The following TLL1 variants were observed in gnomAD, a reference collection of about 807,000 sequenced individuals.
The protein encoded by TLL1 is tolloid-like protein 1.
TLL1 carries 49 observed loss-of-function variants against 128.2 expected under a neutral mutation model. The ratio of observed to expected loss-of-function variants is 0.38; its 90% CI spans 0.30 to 0.48. The LOEUF (loss-of-function observed/expected upper bound fraction) is 0.48, where lower values mean the gene tolerates loss of function less well. TLL1 is among the 20% of genes least tolerant of loss of function. The pLI is 0.96. For synonymous variants in TLL1, 454 were observed against 418.8 expected, an observed-to-expected ratio of 1.08 and a Z score of -1.03; for missense variants, 1,123 against 1,242.0, an observed-to-expected ratio of 0.90 and a Z score of 1.44.
intron 1 of TLL1, among the ~76,000 whole-genome samples, chr4:165,913,468 C>G (rs1208065301): frequency 6.6e-6 from 1 of 152,132 alleles, no homozygotes; most frequent in Non-Finnish European, 1.5e-5. Context: ...GTAGCTTACT[C>G]ACTTGAGAAA....
rs542313627 is a variant in TLL1 at position 166,010,957 on chromosome 4, G to A, written c.917+2909G>A. On this transcript the variant is annotated intron_variant, in intron 7 of 20. Transcript: ENST00000061240. ...CCCTTGTCAAAGATAATATGATCTC[G>A]TATATGATGGTTTATTTCTGTGCTC... Among the ~76,000 whole-genome samples, 29 of 150,888 alleles carry A rather than the reference G, an allele frequency of 1.9e-4. 1 individual carries two copies. The highest frequency in any genetic ancestry group is 4.6e-4 in the Admixed American group (7 of 15,066).
chr4:166,060,967 C>G (rs1196538399), intron 15 of TLL1, among the ~76,000 whole-genome samples: 1 of 152,138 alleles, frequency 6.6e-6, no homozygotes, highest in Non-Finnish European at 1.5e-5. Context: ...TCCTTTGCAT[C>G]CTTTTCTCCC....
chr4:165,948,689 G>A (rs1734370779), intron 1 of TLL1, among the ~76,000 whole-genome samples: 2 of 152,084 alleles, frequency 1.3e-5, no homozygotes, highest in African/African-American at 4.8e-5. Flanking sequence ...ATTAATCCAT[G>A]AATGGATTAA....
intron 1 of TLL1, among the ~76,000 whole-genome samples, chr4:165,924,699 A>T (rs1403694133): frequency 6.6e-6 from 1 of 152,246 alleles, no homozygotes; most frequent in Non-Finnish European, 1.5e-5. Flanking sequence ...TTCAATGTAG[A>T]TGGAGCACCC....
intron 1 of TLL1, among the ~76,000 whole-genome samples, chr4:165,876,233 T>C (rs1325423525): frequency 6.6e-6 from 1 of 152,064 alleles, no homozygotes; most frequent in African/African-American, 2.4e-5. Context: ...CTTGGCTCAA[T>C]ACAGGCAAAA....
intron 9 of TLL1, among the ~76,000 whole-genome samples, chr4:166,035,173 C>A (rs1283317263): frequency 4.6e-5 from 7 of 152,056 alleles, no homozygotes; most frequent in Non-Finnish European, 1.0e-4. Context: ...GATGATTCAT[C>A]AAAATTTCAA....
At chr4:166,072,677 T>C (rs1271638306) in intron 16 of TLL1, among the ~76,000 whole-genome samples, 1 of 151,984 alleles carries the variant, frequency 6.6e-6, no homozygotes, top group Non-Finnish European at 1.5e-5. Context: ...ATTAGGGATA[T>C]TTTATGTTTT....
chr4:166,068,616 A>G (rs1449469070), intron 16 of TLL1, among the ~76,000 whole-genome samples: 3 of 151,954 alleles, frequency 2.0e-5, no homozygotes, highest in African/African-American at 7.2e-5. Flanking sequence ...ATAGAAATCA[A>G]GAGTCATTAA....
At chr4:166,037,968 A>G (rs1031625455) in intron 9 of TLL1, among the ~76,000 whole-genome samples, 1 of 152,172 alleles carries the variant, frequency 6.6e-6, no homozygotes, top group African/African-American at 2.4e-5. Flanking sequence ...GTACAGTTTC[A>G]TCACTGATCA....
Position 166,065,784 on chromosome 4 carries a change from C to A in TLL1, c.2109C>A (p.Ser703=). 2 of 1,612,896 alleles carry A rather than the reference C, an allele frequency of 1.2e-6. No homozygotes were observed. Among genetic ancestry groups the A allele is most frequent in the Non-Finnish European group, 1.7e-6 (2 of 1,179,310 alleles). The change falls in exon 16 of 21, where the codon TCC becomes TCA. Residue 703 remains serine (S), a synonymous_variant. Coordinates refer to ENST00000061240, the MANE Select transcript of TLL1 (RefSeq NM_012464.5). The part of the protein sequence containing the change: ...CGAEVPEVIT[S]QFNNMRIEFK... The stretch of plus-strand genomic sequence containing the variant: ...CTGAAGTGCCTGAAGTGATCACATC[C>A]CAGTTCAACAATATGAGAATTGAAT...
At chr4:165,969,639 T>G (rs1235005863) in intron 1 of TLL1, among the ~76,000 whole-genome samples, 1 of 151,998 alleles carries the variant, frequency 6.6e-6, no homozygotes, top group Non-Finnish European at 1.5e-5. Flanking sequence ...GGTTGTGGGG[T>G]TTTTTGGTTA....
chr4:165,938,441 C>T (rs927201595), intron 1 of TLL1, among the ~76,000 whole-genome samples: 2 of 152,026 alleles, frequency 1.3e-5, no homozygotes, highest in African/African-American at 2.4e-5. Context: ...CTGGTGCTTC[C>T]GCCTGAGGAA....
intron 6 of TLL1, among the ~76,000 whole-genome samples, chr4:166,005,145 A>T (rs558679954): frequency 9.3e-4 from 142 of 152,176 alleles, no homozygotes; most frequent in African/African-American, 3.1e-3. Context: ...GAATGTTGGT[A>T]CCATCACATG....
At chr4:165,972,625 T>C (rs1031770007) in intron 1 of TLL1, among the ~76,000 whole-genome samples, 1 of 152,186 alleles carries the variant, frequency 6.6e-6, no homozygotes, top group African/African-American at 2.4e-5. Flanking sequence ...TTGGACACCA[T>C]GTTCTATTAA....
At chr4:165,944,967 G>C (rs1237857305) in intron 1 of TLL1, among the ~76,000 whole-genome samples, 3 of 151,744 alleles carry the variant, frequency 2.0e-5, no homozygotes, top group African/African-American at 7.2e-5. Context: ...GGTAATCTTT[G>C]ATATATCACT....
At chr4:166,015,801 A>G (rs1737909531) in intron 8 of TLL1, among the ~76,000 whole-genome samples, 1 of 151,828 alleles carries the variant, frequency 6.6e-6, no homozygotes, top group South Asian at 2.1e-4. Flanking sequence ...CTGCTGAGAG[A>G]AGGGATTTCC....
At chr4:166,061,561 C>G (rs1306985022) in intron 15 of TLL1, among the ~76,000 whole-genome samples, 4 of 151,872 alleles carry the variant, frequency 2.6e-5, no homozygotes, top group Non-Finnish European at 4.4e-5. Context: ...CTTTTAATTA[C>G]TTTTTTTCCT....
Position 166,013,423 on chromosome 4 carries a change from G to C in TLL1, c.918-1013G>C, listed in dbSNP as rs10030287. On this transcript the variant is annotated intron_variant, in intron 7 of 20. Transcript: ENST00000061240. ...AAAATGCTGTTCTTTTAATGCAAGC[G>C]TTAGTTTAAATGCATTAAATTCATT... Among the ~76,000 whole-genome samples, 64 of 151,880 alleles carry C rather than the reference G, an allele frequency of 4.2e-4. 1 individual carries two copies. Among genetic ancestry groups the C allele is most frequent in the Non-Finnish European group, 6.3e-4 (43 of 67,842 alleles).
intron 1 of TLL1, among the ~76,000 whole-genome samples, chr4:165,904,982 C>T (rs372343222): frequency 2.5e-4 from 38 of 152,262 alleles, no homozygotes; most frequent in East Asian, 2.3e-3. Context: ...CCTATTAGAA[C>T]GTCTCAGATA....
Sources: allele counts gnomAD v4.1 joint callset (sites outside exome capture counted in the v4.1 genomes callset), GRCh38; gene constraint gnomAD v4.1.1; transcripts MANE v1.5; gene names NCBI Gene and HGNC (gene_info 2026-07-23, HGNC 2026-07-21).